DTNA: variants seen among roughly 807,000 people sequenced by gnomAD.
The protein encoded by DTNA is dystrobrevin alpha, also known as dystrophin-related protein 3.
Under a neutral mutation model 100.7 loss-of-function variants are expected in DTNA, and 43 were observed. That is an observed-to-expected ratio of 0.43 (90% CI 0.33 to 0.55). The LOEUF (loss-of-function observed/expected upper bound fraction) is 0.55, where lower values mean the gene tolerates loss of function less well. DTNA is among the 20% of genes least tolerant of loss of function. DTNA has a pLI of 0.04. For synonymous variants in DTNA, 349 were observed against 347.9 expected (o/e 1.00, Z -0.04); for missense variants, 798 against 953.9 (o/e 0.84, Z 2.15).
intron 20 of DTNA, among the ~76,000 whole-genome samples, chr18:34,881,437 CTTT>C (rs752828928): frequency 5.3e-4 from 27 of 51,396 alleles, no homozygotes; most frequent in African/African-American, 2.0e-3. Flanking sequence ...AATTAAAATG[CTTT>C]TTTTTTTTTT....
At chr18:34,845,742 C>A (rs1054740880) in intron 13 of DTNA, among the ~76,000 whole-genome samples, 1 of 152,190 alleles carries the variant, frequency 6.6e-6, no homozygotes, top group African/African-American at 2.4e-5. Context: ...TTATTTTTAA[C>A]CATTGCAGAA....
intron 1 of DTNA, among the ~76,000 whole-genome samples, chr18:34,543,373 A>T (rs906535211): frequency 2.5e-4 from 38 of 152,256 alleles, no homozygotes; most frequent in Admixed American, 1.9e-3. Flanking sequence ...CTTTCAGCAC[A>T]CAATAGATCA....
At chr18:34,746,915 A>G (rs187453490) in intron 1 of DTNA, among the ~76,000 whole-genome samples, 106 of 152,192 alleles carry the variant, frequency 7.0e-4, no homozygotes, top group African/African-American at 2.4e-3. Context: ...AATGAAACCA[A>G]ACGAAACCAA....
At chr18:34,544,531 A>G (rs185475149) in intron 1 of DTNA, among the ~76,000 whole-genome samples, 139 of 152,264 alleles carry the variant, frequency 9.1e-4, no homozygotes, top group African/African-American at 3.1e-3. Flanking sequence ...AATTTTCCAT[A>G]TAATTGTGGA....
At chr18:34,554,802 T>C (rs1407642864) in intron 1 of DTNA, among the ~76,000 whole-genome samples, 3 of 148,760 alleles carry the variant, frequency 2.0e-5, no homozygotes, top group Admixed American at 2.0e-4. Context: ...GATTTTTGCA[T>C]CAATGTTCAT....
intron 1 of DTNA, among the ~76,000 whole-genome samples, chr18:34,526,500 T>TA (rs2145370941): frequency 6.6e-6 from 1 of 152,152 alleles, no homozygotes; most frequent in South Asian, 2.1e-4. Context: ...ATACTAAATA[T>TA]AAAATACTGA....
intron 11 of DTNA, among the ~76,000 whole-genome samples, chr18:34,833,223 T>A (rs1602964860): frequency 6.6e-6 from 1 of 152,302 alleles, no homozygotes; most frequent in South Asian, 2.1e-4. Context: ...TAAAAATATA[T>A]TTCAGGTATC....
chr18:34,521,313 C>T (rs1158158412), intron 1 of DTNA, among the ~76,000 whole-genome samples: 3 of 152,144 alleles, frequency 2.0e-5, no homozygotes, highest in African/African-American at 7.2e-5. Flanking sequence ...CCTTCTTACT[C>T]CACCACGAGC....
intron 1 of DTNA, among the ~76,000 whole-genome samples, chr18:34,617,663 C>T (rs1390760718): frequency 2.0e-5 from 3 of 152,292 alleles, no homozygotes; most frequent in African/African-American, 7.2e-5. Context: ...AGAGTTCCCC[C>T]TCCTCAATGT....
At chr18:34,681,718 ACACACACACACACCC>A (rs2078141844) in intron 1 of DTNA, among the ~76,000 whole-genome samples, 1 of 150,998 alleles carries the variant, frequency 6.6e-6, no homozygotes, top group Admixed American at 6.6e-5. Flanking sequence ...ACACACACAC[ACACACACACACACCC>A]CACACACACA....
chr18:34,805,795 A>T (rs865825343), intron 4 of DTNA, among the ~76,000 whole-genome samples: 12 of 152,190 alleles, frequency 7.9e-5, no homozygotes, highest in African/African-American at 2.9e-4. Flanking sequence ...CAAAAAAAAA[A>T]AAAAATGATG....
At chr18:34,545,252 A>T (rs558691562) in intron 1 of DTNA, among the ~76,000 whole-genome samples, 1 of 152,074 alleles carries the variant, frequency 6.6e-6, no homozygotes, top group Non-Finnish European at 1.5e-5. Context: ...TGGCTAGCCA[A>T]TGGACACTGG....
chr18:34,688,860 T>C (rs993268289), intron 1 of DTNA, among the ~76,000 whole-genome samples: 1 of 152,198 alleles, frequency 6.6e-6, no homozygotes, highest in Non-Finnish European at 1.5e-5. Flanking sequence ...CTTTTTTCTC[T>C]AATCTTGTCT....
At position 34,889,901 on chromosome 18, in the gene DTNA, C is replaced by T; in HGVS notation, c.*2167C>T. 1 of 1,007,116 alleles carries T rather than the reference C, an allele frequency of 9.9e-7. No individual in the cohort carries two copies. Among genetic ancestry groups the T allele is most frequent in the Non-Finnish European group, 1.2e-6 (1 of 843,660 alleles). 62.4% of individuals were successfully genotyped at this position (1,007,116 alleles called of 1,614,324 possible). A position where few individuals can be genotyped will look rare whatever the true frequency, so the allele number is the denominator to read the frequency against. ...TTAATGTTCATCTCTTTTCCACTGCCCATCCTCTGTGAACCCATACCTCTC... is the reference window on the plus strand; with the variant it reads ...TTAATGTTCATCTCTTTTCCACTGCTCATCCTCTGTGAACCCATACCTCTC... On this transcript the variant is annotated 3_prime_UTR_variant, in exon 23 of 23. Transcript: ENST00000444659.
chr18:34,663,406 TCTCCTGCCTTGGC>T lies in DTNA; in HGVS notation c.-1-92565_-1-92553del, dbSNP rs2144641019. On this transcript the variant is annotated intron_variant, in intron 1 of 19. Transcript: ENST00000283365. ...TCTTGAACTCCCAGGCTCAAGCGAT[TCTCCTGCCTTGGC>T]CTCCCAAAGTGTTGGGATTAGAGGC... Among the ~76,000 whole-genome samples, 3 of 152,280 alleles carry T rather than the reference TCTCCTGCCTTGGC, an allele frequency of 2.0e-5. No homozygotes were observed. In the East Asian group the frequency reaches 5.8e-4, roughly 29 times the overall value.
At chr18:34,603,775 T>G (rs1356026664) in intron 1 of DTNA, among the ~76,000 whole-genome samples, 1 of 152,196 alleles carries the variant, frequency 6.6e-6, no homozygotes, top group Non-Finnish European at 1.5e-5. Flanking sequence ...ATCGTTAAAT[T>G]TATTAGACTT....
At chr18:34,615,378 G>A (rs2055050911) in intron 1 of DTNA, among the ~76,000 whole-genome samples, 1 of 152,006 alleles carries the variant, frequency 6.6e-6, no homozygotes, top group African/African-American at 2.4e-5. Context: ...GTGAGATTAT[G>A]GGGGACAAAC....
At chr18:34,668,732 G>A (rs1253323220) in intron 1 of DTNA, among the ~76,000 whole-genome samples, 35 of 152,064 alleles carry the variant, frequency 2.3e-4, no homozygotes, top group African/African-American at 8.0e-4. Flanking sequence ...GTAGTTGAGC[G>A]GTTTTGAGTG....
At chr18:34,570,765 C>T (rs900898981) in intron 1 of DTNA, among the ~76,000 whole-genome samples, 1 of 152,130 alleles carries the variant, frequency 6.6e-6, no homozygotes, top group African/African-American at 2.4e-5. Flanking sequence ...AATCCTTGCA[C>T]TAGATGCAGT....
Sources: allele counts gnomAD v4.1 joint callset (sites outside exome capture counted in the v4.1 genomes callset), GRCh38; gene constraint gnomAD v4.1.1; transcripts MANE v1.5; gene names NCBI Gene and HGNC (gene_info 2026-07-23, HGNC 2026-07-21).